The following SLC35E3 variants were observed in gnomAD, a reference collection of about 807,000 sequenced individuals.
The protein encoded by SLC35E3 is solute carrier family 35 member E3.
A neutral mutation model predicts 30.8 loss-of-function variants in SLC35E3; 28 were observed. The ratio of observed to expected loss-of-function variants is 0.91; its 90% CI spans 0.67 to 1.25. SLC35E3 has a LOEUF of 1.25. Among genes scored for constraint, SLC35E3 ranks in the 50% most tolerant of loss-of-function variants. The probability of loss-of-function intolerance (pLI) is 0.00; values close to 1 mark genes in which losing one functional copy is unlikely to be tolerated. For synonymous variants in SLC35E3, 146 were observed against 149.2 expected (o/e 0.98, Z 0.16); for missense variants, 365 against 375.4 (o/e 0.97, Z 0.23).
intron 2 of SLC35E3, 53 bp downstream of exon 2, chr12:68,748,093 G>T: frequency 9.8e-7 from 1 of 1,022,118 alleles, no homozygotes; most frequent in South Asian, 1.3e-5. Flanking sequence ...CATAAATTTT[G>T]AAGCTGTATT....
At chr12:68,756,855 C>G (rs1369250491) in intron 3 of SLC35E3, among the ~76,000 whole-genome samples, 1 of 152,066 alleles carries the variant, frequency 6.6e-6, no homozygotes, top group East Asian at 1.9e-4. Context: ...ACTAAAAATA[C>G]AAAAACAAAA....
At chr12:68,752,285 C>T in intron 3 of SLC35E3, 95 bp downstream of exon 3, 1 of 1,144,694 alleles carries the variant, frequency 8.7e-7, no homozygotes, top group South Asian at 1.7e-5. Flanking sequence ...TATGTCCGAT[C>T]CATTCTCACA....
intron 3 of SLC35E3, among the ~76,000 whole-genome samples, chr12:68,756,525 C>A (rs1469099347): frequency 6.6e-6 from 1 of 151,468 alleles, no homozygotes; most frequent in Non-Finnish European, 1.5e-5. Context: ...AAACTAAAGA[C>A]CAATATCCTT....
Position 68,765,739 on chromosome 12 carries a change from A to ATG in SLC35E3, c.*850_*851insGT, listed in dbSNP as rs1879388839. 6.6e-6 allele frequency: 1 copy of ATG among 151,298 alleles called. No individual in the cohort carries two copies. The highest frequency in any genetic ancestry group is 2.4e-5 in the African/African-American group (1 of 41,108). 9.4% of individuals were successfully genotyped at this position (151,298 alleles called of 1,614,324 possible). ...CCATATATATGTGGGATATATATAT[A>ATG]TATATATATGGATATGGTTATATAT... On this transcript the variant is annotated 3_prime_UTR_variant, in exon 5 of 5. Coordinates refer to ENST00000398004, the MANE Select transcript of SLC35E3 (RefSeq NM_018656.5).
intron 2 of SLC35E3, 39 bp downstream of exon 2, chr12:68,748,079 A>G (rs751087875): frequency 3.5e-6 from 4 of 1,138,506 alleles, no homozygotes; most frequent in Non-Finnish European, 5.3e-6. Context: ...TTTTTAGCAG[A>G]TTTCATAAAT....
At chr12:68,758,929 G>C (rs1565715810) in intron 3 of SLC35E3, among the ~76,000 whole-genome samples, 1 of 151,724 alleles carries the variant, frequency 6.6e-6, no homozygotes, top group African/African-American at 2.4e-5. Flanking sequence ...TTTTAGTAGA[G>C]ATGGGGTTTC....
intron 2 of SLC35E3, 98 bp from the exon 3 acceptor site, chr12:68,751,934 T>G: frequency 8.4e-7 from 1 of 1,184,608 alleles, no homozygotes; most frequent in East Asian, 2.4e-5. Context: ...CCCTAGTCTA[T>G]ACCCCACATT....
intron 3 of SLC35E3, among the ~76,000 whole-genome samples, chr12:68,754,762 GGACTTTTATTTTTTAGAGACAGT>G (rs1369101322): frequency 6.6e-6 from 1 of 151,760 alleles, no homozygotes; most frequent in Non-Finnish European, 1.5e-5. Flanking sequence ...TGTATTTTGG[GGACTTTTATTTTTTAGAGACAGT>G]GTCTGGCTAT....
In SLC35E3 at chr12:68,781,330, TC is replaced by T. The variant is rs1183382366; in HGVS notation, c.*16442del. ...TCTCTCAAAAAGGGAAAAAACAAGA[TC>T]CTTTGTTTGTATAAGTACAATCAGT... On this transcript the variant is annotated 3_prime_UTR_variant, in exon 5 of 5. Coordinates refer to ENST00000398004, the MANE Select transcript of SLC35E3 (RefSeq NM_018656.5). 6.6e-6 allele frequency: 1 copy of T among 152,196 alleles called. No homozygotes were observed. The highest frequency in any genetic ancestry group is 1.5e-5 in the Non-Finnish European group (1 of 68,030). 9.4% of individuals were successfully genotyped at this position (152,196 alleles called of 1,614,324 possible).
Position 68,746,553 on chromosome 12 carries a change from A to C in SLC35E3, c.176A>C (p.Tyr59Ser), listed in dbSNP as rs764255065. The C allele has an allele frequency of 1.2e-6, 2 of 1,614,218 alleles. No homozygotes were observed. Among genetic ancestry groups the C allele is most frequent in the Non-Finnish European group, 1.7e-6 (2 of 1,180,026 alleles). ...TTCGTGGTCACCTGGCTGGGCTTGTATATCTGCCAGAAGCTGGACATCTTT... is the reference window on the plus strand; with the variant it reads ...TTCGTGGTCACCTGGCTGGGCTTGTCTATCTGCCAGAAGCTGGACATCTTT... ...VHFVVTWLGLYICQKLDIFAP... is the reference protein window; with the variant it reads ...VHFVVTWLGLSICQKLDIFAP... The change falls in exon 1 of 5, where the codon TAT becomes TCT. Residue 59 changes from tyrosine to serine, a missense_variant. Transcript: ENST00000398004.
At position 68,774,855 on chromosome 12, in the gene SLC35E3, T is replaced by C. The variant is rs538758769; in HGVS notation, c.*9965T>C. 2.2e-5 allele frequency: 3 copies of C among 136,462 alleles called. No individual in the cohort carries two copies. Among genetic ancestry groups the C allele is most frequent in the Admixed American group, 7.3e-5 (1 of 13,772 alleles). The allele number at this position is 136,462 out of a possible 1,614,324, so 8.5% of individuals were successfully genotyped here. A position where few individuals can be genotyped will look rare whatever the true frequency, so the allele number is the denominator to read the frequency against. ...AAAAAAAAAGATAAAATAAAAGAAA[T>C]TGGGTCTTGTGGCCAGGTGCGGTGG... On this transcript the variant is annotated 3_prime_UTR_variant, in exon 5 of 5. Coordinates refer to ENST00000398004, the MANE Select transcript of SLC35E3 (RefSeq NM_018656.5).
chr12:68,776,210 C>CAAAAAAAAAAAAAAAAAAAAA lies in SLC35E3; in HGVS notation c.*11321_*11322insAAAAAAAAAAAAAAAAAAAAA, dbSNP rs1211525020. 6.9e-5 allele frequency: 1 copy of CAAAAAAAAAAAAAAAAAAAAA among 14,596 alleles called. No homozygotes were observed. Among genetic ancestry groups the CAAAAAAAAAAAAAAAAAAAAA allele is most frequent in the Non-Finnish European group, 1.8e-4 (1 of 5,544 alleles). The allele number at this position is 14,596 out of a possible 1,614,324, so 0.9% of individuals were successfully genotyped here. The stretch of plus-strand genomic sequence containing the variant: ...GGGTGACAAGAGCAAAACTCTGTCT[C>CAAAAAAAAAAAAAAAAAAAAA]ACAAAAAAAAAAAAAAGGCCAGGCA... On this transcript the variant is annotated 3_prime_UTR_variant, in exon 5 of 5. Coordinates refer to ENST00000398004, the MANE Select transcript of SLC35E3 (RefSeq NM_018656.5).
At position 68,781,250 on chromosome 12, in the gene SLC35E3, A is replaced by G. The variant is rs999442116; in HGVS notation, c.*16360A>G. The G allele has an allele frequency of 2.0e-5, 3 of 152,214 alleles. No individual in the cohort carries two copies. Among genetic ancestry groups the G allele is most frequent in the East Asian group, 1.9e-4 (1 of 5,200 alleles). 9.4% of individuals were successfully genotyped at this position (152,214 alleles called of 1,614,324 possible). A position where few individuals can be genotyped will look rare whatever the true frequency, so the allele number is the denominator to read the frequency against. On this transcript the variant is annotated 3_prime_UTR_variant, in exon 5 of 5. Coordinates refer to ENST00000398004, the MANE Select transcript of SLC35E3 (RefSeq NM_018656.5). ...TTTGGCAAAGTATTTGTAATTAGGAATATCTGTCATACTGGCACTGGGCAA... is the reference window on the plus strand; with the variant it reads ...TTTGGCAAAGTATTTGTAATTAGGAGTATCTGTCATACTGGCACTGGGCAA...
chr12:68,772,444 T>C lies in SLC35E3; in HGVS notation c.*7554T>C, dbSNP rs1715234610. 2.6e-5 allele frequency: 4 copies of C among 152,322 alleles called. No homozygotes were observed. The highest frequency in any genetic ancestry group is 7.2e-5 in the African/African-American group (3 of 41,576). 9.4% of individuals were successfully genotyped at this position (152,322 alleles called of 1,614,324 possible). On this transcript the variant is annotated 3_prime_UTR_variant, in exon 5 of 5. Transcript: ENST00000398004. ...CGCATTTAATGTAATCATATTACTT[T>C]CTTATATTAGAAGATAGGATTTCTT...
chr12:68,759,520 A>G (rs1879168398), intron 4 of SLC35E3, among the ~76,000 whole-genome samples: 1 of 152,246 alleles, frequency 6.6e-6, no homozygotes, highest in Non-Finnish European at 1.5e-5. Flanking sequence ...CCTGGATAAC[A>G]TGGTGAAACC....
chr12:68,753,727 C>T (rs890295166), intron 3 of SLC35E3, among the ~76,000 whole-genome samples: 3 of 151,802 alleles, frequency 2.0e-5, no homozygotes, highest in Non-Finnish European at 2.9e-5. Flanking sequence ...ATTCCATTAC[C>T]CCCTAATCCG....
chr12:68,756,739 C>T (rs1019240300), intron 3 of SLC35E3, among the ~76,000 whole-genome samples: 1 of 152,192 alleles, frequency 6.6e-6, no homozygotes, highest in Non-Finnish European at 1.5e-5. Flanking sequence ...CAGTGGCTCA[C>T]CCCTGTAATC....
At position 68,775,212 on chromosome 12, in the gene SLC35E3, G is replaced by A. The variant is rs1309517667; in HGVS notation, c.*10322G>A. ...CCAATGAGCATTTGGGGTAAAAAGG[G>A]GCAAGAATGGAGGACCTGCTCTGTC... On this transcript the variant is annotated 3_prime_UTR_variant, in exon 5 of 5. Coordinates refer to ENST00000398004, the MANE Select transcript of SLC35E3 (RefSeq NM_018656.5). The A allele has an allele frequency of 5.3e-5, 8 of 152,234 alleles. No individual in the cohort carries two copies. In the East Asian group the frequency reaches 1.2e-3, roughly 22 times the overall value. 9.4% of individuals were successfully genotyped at this position (152,234 alleles called of 1,614,324 possible).
chr12:68,746,210 G>A lies in SLC35E3; in HGVS notation c.-168G>A. ...GGCTTACAGGGCGGCGGCGGGGTGT[G>A]TGTCCTCTGTTAAGAGTGCTACTCG... On this transcript the variant is annotated 5_prime_UTR_variant, in exon 1 of 5. It adds an upstream start codon to the 5' untranslated region. Coordinates refer to ENST00000398004, the MANE Select transcript of SLC35E3 (RefSeq NM_018656.5). 8.9e-6 allele frequency: 5 copies of A among 562,110 alleles called. No individual in the cohort carries two copies. Among genetic ancestry groups the A allele is most frequent in the South Asian group, 8.6e-5 (3 of 34,752 alleles). 34.8% of individuals were successfully genotyped at this position (562,110 alleles called of 1,614,324 possible).
Sources: allele counts gnomAD v4.1 joint callset (sites outside exome capture counted in the v4.1 genomes callset), GRCh38; gene constraint gnomAD v4.1.1; transcripts MANE v1.5; gene names NCBI Gene and HGNC (gene_info 2026-07-23, HGNC 2026-07-21).